CNBD1: variants seen among roughly 807,000 people sequenced by gnomAD.
CNBD1 encodes the protein cyclic nucleotide-binding domain-containing protein 1.
In CNBD1, 71 loss-of-function variants were observed where a neutral mutation model predicts 54.4. The ratio of observed to expected loss-of-function variants is 1.30; its 90% CI spans 1.08 to 1.59. The LOEUF (loss-of-function observed/expected upper bound fraction) is 1.59. CNBD1 is among the 40% of genes most tolerant of loss of function. CNBD1 has a pLI of 0.00. For missense variants in CNBD1, 659 were observed against 518.0 expected, an observed-to-expected ratio of 1.27 and a Z score of -2.64; for synonymous variants, 182 against 170.7, an observed-to-expected ratio of 1.07 and a Z score of -0.51.
chr8:87,263,923 T>G (rs1214793459), intron 6 of CNBD1, among the ~76,000 whole-genome samples: 1 of 152,146 alleles, frequency 6.6e-6, no homozygotes, highest in Non-Finnish European at 1.5e-5. Flanking sequence ...ATATCAAATC[T>G]TATTATACTC....
rs78045649 is a variant in CNBD1 at position 87,356,869 on chromosome 8, C to A, written c.1303+3083C>A. On this transcript the variant is annotated intron_variant, in intron 10 of 10. Transcript: ENST00000518476. ...TGAAGACAGCTCCTCCCATCACAGG[C>A]CCAGATGCCTAGGAGGAAAGAATGT... 3.1e-3 allele frequency among the ~76,000 whole-genome samples: 476 copies of A among 152,204 alleles called. 2 individuals are homozygous for A. The highest frequency in any genetic ancestry group is 0.011 in the African/African-American group (449 of 41,540).
chr8:87,414,257 C>T (rs967736934), intron 2 of CNBD1, among the ~76,000 whole-genome samples: 3 of 151,836 alleles, frequency 2.0e-5, no homozygotes, highest in Non-Finnish European at 4.4e-5. Context: ...TCATTCTCAG[C>T]AAACTATCGC....
chr8:87,292,989 C>T (rs1808813517), intron 8 of CNBD1, among the ~76,000 whole-genome samples: 1 of 152,068 alleles, frequency 6.6e-6, no homozygotes, highest in African/African-American at 2.4e-5. Flanking sequence ...TTCCTAACAC[C>T]CTCTGATAAA....
At chr8:87,339,227 C>G (rs1036792000) in intron 8 of CNBD1, among the ~76,000 whole-genome samples, 1 of 152,170 alleles carries the variant, frequency 6.6e-6, no homozygotes, top group African/African-American at 2.4e-5. Flanking sequence ...CTGATACTTA[C>G]TATAAGTACA....
intron 4 of CNBD1, among the ~76,000 whole-genome samples, chr8:87,099,161 T>G (rs1238035519): frequency 1.3e-5 from 2 of 151,722 alleles, no homozygotes; most frequent in African/African-American, 4.8e-5. Flanking sequence ...ATATCAGCGC[T>G]ATTGTAGAAA....
At chr8:86,887,237 G>A (rs527960790) in intron 1 of CNBD1, among the ~76,000 whole-genome samples, 1 of 152,110 alleles carries the variant, frequency 6.6e-6, no homozygotes, top group Non-Finnish European at 1.5e-5. Flanking sequence ...GTGTTGGATA[G>A]GGATTCTGCA....
At chr8:87,316,315 T>C (rs1186258884) in intron 8 of CNBD1, among the ~76,000 whole-genome samples, 2 of 151,982 alleles carry the variant, frequency 1.3e-5, no homozygotes, top group African/African-American at 4.8e-5. Flanking sequence ...CAAAAATTCC[T>C]GTCTAAGTCA....
intron 4 of CNBD1, among the ~76,000 whole-genome samples, chr8:87,033,518 T>C (rs970175871): frequency 1.3e-4 from 20 of 152,204 alleles, no homozygotes; most frequent in African/African-American, 4.6e-4. Context: ...TGTTTATCTT[T>C]TCCCCTCAGG....
chr8:87,378,795 G>A (rs979334024), intron 10 of CNBD1, among the ~76,000 whole-genome samples: 1 of 151,006 alleles, frequency 6.6e-6, no homozygotes, highest in Non-Finnish European at 1.5e-5. Context: ...AGCATGGAAT[G>A]TTCTTCCATT....
intron 4 of CNBD1, among the ~76,000 whole-genome samples, chr8:87,021,620 CA>C (rs1303902818): frequency 6.6e-6 from 1 of 152,192 alleles, no homozygotes; most frequent in Non-Finnish European, 1.5e-5. Context: ...TACCTGGAGA[CA>C]CTTTTTCTTG....
intron 4 of CNBD1, among the ~76,000 whole-genome samples, chr8:87,000,381 A>G (rs1179267898): frequency 6.6e-6 from 1 of 152,004 alleles, no homozygotes; most frequent in African/African-American, 2.4e-5. Flanking sequence ...AATTAAACCT[A>G]TTTTCTTTAT....
At chr8:87,055,777 C>T (rs1013181224) in intron 4 of CNBD1, among the ~76,000 whole-genome samples, 48 of 150,574 alleles carry the variant, frequency 3.2e-4, no homozygotes, top group Admixed American at 2.1e-3. Context: ...CCACCTTTCT[C>T]TTTCACTCTC....
At chr8:87,266,234 A>G (rs940533535) in intron 6 of CNBD1, among the ~76,000 whole-genome samples, 1 of 151,810 alleles carries the variant, frequency 6.6e-6, no homozygotes, top group African/African-American at 2.4e-5. Context: ...AGGTAATTTT[A>G]AAAACTATAC....
chr8:87,301,921 G>A (rs185279803), intron 8 of CNBD1, among the ~76,000 whole-genome samples: 8 of 151,998 alleles, frequency 5.3e-5, no homozygotes, highest in East Asian at 3.9e-4. Context: ...ACATATACCC[G>A]CCCAAGATTA....
At chr8:87,216,932 C>G (rs747839978) in intron 5 of CNBD1, among the ~76,000 whole-genome samples, 3 of 152,042 alleles carry the variant, frequency 2.0e-5, no homozygotes, top group African/African-American at 7.2e-5. Context: ...GAAATCAGTG[C>G]CATTGCTTTT....
At chr8:87,344,876 G>T (rs186972517) in intron 8 of CNBD1, among the ~76,000 whole-genome samples, 1 of 152,064 alleles carries the variant, frequency 6.6e-6, no homozygotes, top group Non-Finnish European at 1.5e-5. Context: ...GCAGTGTTAG[G>T]ATGAGGTAAC....
intron 2 of CNBD1, among the ~76,000 whole-genome samples, chr8:87,392,039 A>G (rs1811319559): frequency 1.3e-5 from 2 of 152,082 alleles, no homozygotes; most frequent in Admixed American, 6.6e-5. Context: ...AATGGCTGAT[A>G]AGCACAGAAA....
chr8:87,012,434 C>A (rs1252999210), intron 4 of CNBD1, among the ~76,000 whole-genome samples: 2 of 152,020 alleles, frequency 1.3e-5, no homozygotes, highest in Non-Finnish European at 2.9e-5. Context: ...TATTATGAGA[C>A]AAGGAAAAAA....
At chr8:87,324,431 C>T (rs1157384728) in intron 8 of CNBD1, among the ~76,000 whole-genome samples, 2 of 139,742 alleles carry the variant, frequency 1.4e-5, no homozygotes, top group African/African-American at 2.6e-5. Flanking sequence ...TCCATCTGGT[C>T]CTGGGCTCTT....
Sources: gnomAD v4.1 joint callset for allele counts (sites outside exome capture counted in the v4.1 genomes callset) on GRCh38, gnomAD v4.1.1 for gene constraint, MANE v1.5 for transcripts, NCBI Gene and HGNC (gene_info 2026-07-23, HGNC 2026-07-21) for gene names.